The following POLD3 variants were observed in gnomAD, a reference collection of about 807,000 sequenced individuals.
POLD3 encodes DNA polymerase delta subunit 3.
Under a neutral mutation model 58.2 loss-of-function variants are expected in POLD3, and 19 were observed. The ratio of observed to expected loss-of-function variants is 0.33; its 90% confidence interval spans 0.23 to 0.48. The LOEUF is 0.48. POLD3 is among the 20% of genes least tolerant of loss of function. POLD3 has a pLI of 0.99. For synonymous variants in POLD3, 172 were observed against 193.5 expected (o/e 0.89, Z 0.92); for missense variants, 504 against 545.5 (o/e 0.92, Z 0.76).
chr11:74,624,916 G>T (rs1254084595), intron 7 of POLD3, among the ~76,000 whole-genome samples: 1 of 152,012 alleles, frequency 6.6e-6, no homozygotes, highest in Non-Finnish European at 1.5e-5. Context: ...AGTGAAGCGG[G>T]GTTTGAACCA....
At chr11:74,664,053 A>G (rs1331820009) in intron 4 of POLD3, among the ~76,000 whole-genome samples, 1 of 152,238 alleles carries the variant, frequency 6.6e-6, no homozygotes, top group Non-Finnish European at 1.5e-5. Context: ...TAATATTATT[A>G]TTCAGCAAAA....
intron 5 of POLD3, among the ~76,000 whole-genome samples, chr11:74,615,620 G>A (rs557967513): frequency 1.3e-5 from 2 of 152,254 alleles, no homozygotes; most frequent in East Asian, 3.9e-4. Context: ...GGATTGAGAC[G>A]GGAAGGATAT....
At chr11:74,638,807 T>C in intron 11 of POLD3, 1 of 408,578 alleles carries the variant, frequency 2.4e-6, no homozygotes. Context: ...GAACTGAGAG[T>C]GCATTCCTAA....
At chr11:74,649,242 T>C (rs1351175660) in intron 4 of POLD3, among the ~76,000 whole-genome samples, 1 of 152,344 alleles carries the variant, frequency 6.6e-6, no homozygotes, top group East Asian at 1.9e-4. Context: ...TAACACCTAT[T>C]CTATGCCAGA....
intron 4 of POLD3, among the ~76,000 whole-genome samples, chr11:74,657,620 T>C (rs2033152981): frequency 6.6e-6 from 1 of 152,174 alleles, no homozygotes; most frequent in Non-Finnish European, 1.5e-5. Context: ...TCTTGAAAAG[T>C]TGTTGTAGTT....
intron 10 of POLD3, 43 bp from the exon 11 acceptor site, chr11:74,636,154 A>G (rs2032743147): frequency 1.3e-6 from 2 of 1,569,936 alleles, no homozygotes; most frequent in Middle Eastern, 1.7e-4. Context: ...TTTCTGTATA[A>G]CATAATTGAT....
intron 6 of POLD3, 52 bp downstream of exon 6, chr11:74,618,856 G>A: frequency 6.8e-7 from 1 of 1,465,142 alleles, no homozygotes; most frequent in Non-Finnish European, 9.4e-7. Context: ...TGGGTAACTA[G>A]AAAAGCATTA....
rs2032926509 is a variant in POLD3 at position 74,642,009 on chromosome 11, T to C, written c.*1243T>C. ...GATTGCAGTGGTGTGCTGGTGATTT[T>C]GCACAGTGAGCTCTGCGGAAGGGGT... On this transcript the variant is annotated 3_prime_UTR_variant, in exon 12 of 12. Coordinates refer to ENST00000263681, the MANE Select transcript of POLD3 (RefSeq NM_006591.3). 1.0e-6 allele frequency: 1 copy of C among 985,406 alleles called. No individual in the cohort carries two copies. The highest frequency in any genetic ancestry group is 4.7e-5 in the South Asian group (1 of 21,292). The allele number at this position is 985,406 out of a possible 1,614,324, so 61.0% of individuals were successfully genotyped here.
chr11:74,623,243 C>CT (rs1468741271), intron 7 of POLD3, among the ~76,000 whole-genome samples: 1 of 152,064 alleles, frequency 6.6e-6, no homozygotes, highest in African/African-American at 2.4e-5. Flanking sequence ...ACCATCCTGG[C>CT]TAACACGGTG....
At chr11:74,599,158 G>C (rs1291208641) in intron 2 of POLD3, among the ~76,000 whole-genome samples, 2 of 152,110 alleles carry the variant, frequency 1.3e-5, no homozygotes, top group Non-Finnish European at 2.9e-5. Context: ...TCAGTCTCCT[G>C]AGAGTAGCTG....
chr11:74,600,638 A>G (rs974992429), intron 2 of POLD3, among the ~76,000 whole-genome samples: 1 of 152,124 alleles, frequency 6.6e-6, no homozygotes, highest in Admixed American at 6.6e-5. Context: ...TATCTCCAAA[A>G]AAACAGAAAA....
intron 4 of POLD3, among the ~76,000 whole-genome samples, chr11:74,662,321 C>G (rs1485394833): frequency 6.6e-6 from 1 of 152,072 alleles, no homozygotes; most frequent in Non-Finnish European, 1.5e-5. Context: ...GTCTCAGAGT[C>G]TCACCAAGGC....
At chr11:74,655,413 C>A (rs6592580) in intron 4 of POLD3, among the ~76,000 whole-genome samples, 124,614 of 152,256 alleles carry the variant, frequency 0.82, 51,173 homozygotes, top group Middle Eastern at 0.94. Flanking sequence ...AATTGCTAGA[C>A]TATATTATCT....
chr11:74,609,402 A>C, intron 3 of POLD3, among the ~76,000 whole-genome samples: 1 of 10,930 alleles, frequency 9.1e-5, no homozygotes, highest in Admixed American at 1.2e-3. Context: ...TTTTTTTGAG[A>C]TGGACTTTTG....
chr11:74,594,054 G>C lies in POLD3; in HGVS notation c.61-7G>C, dbSNP rs781076367. On this transcript the variant is annotated splice_region_variant and splice_polypyrimidine_tract_variant and intron_variant, in intron 1 of 11. Coordinates refer to ENST00000263681, the MANE Select transcript of POLD3 (RefSeq NM_006591.3). ...TAAAACATTTGAAAAATTTTTTCTTGTTACAGGTGACATACAAATGGCTGA... is the reference window on the plus strand; with the variant it reads ...TAAAACATTTGAAAAATTTTTTCTTCTTACAGGTGACATACAAATGGCTGA... 9 of 1,583,670 alleles carry C rather than the reference G, an allele frequency of 5.7e-6. No individual in the cohort carries two copies. Among genetic ancestry groups the C allele is most frequent in the Admixed American group, 1.7e-5 (1 of 59,704 alleles).
intron 4 of POLD3, among the ~76,000 whole-genome samples, chr11:74,611,987 G>A (rs1031135703): frequency 4.6e-5 from 7 of 152,142 alleles, no homozygotes; most frequent in African/African-American, 1.7e-4. Flanking sequence ...CAATTCAAAG[G>A]AATTTAATAA....
At chr11:74,663,432 TA>T (rs1262427039) in intron 4 of POLD3, among the ~76,000 whole-genome samples, 1 of 152,230 alleles carries the variant, frequency 6.6e-6, no homozygotes, top group Non-Finnish European at 1.5e-5. Flanking sequence ...AGTCTTGTAA[TA>T]AGACAGAGGT....
chr11:74,634,994 T>C (rs1336777938), intron 10 of POLD3, among the ~76,000 whole-genome samples: 1 of 152,050 alleles, frequency 6.6e-6, no homozygotes, highest in Non-Finnish European at 1.5e-5. Context: ...TAGAATGGTG[T>C]AAAAAGAGAT....
intron 3 of POLD3, among the ~76,000 whole-genome samples, chr11:74,610,762 A>T (rs976546153): frequency 1.3e-5 from 2 of 151,768 alleles, no homozygotes; most frequent in South Asian, 4.2e-4. Flanking sequence ...ACATGTTTTC[A>T]TGTGCATATA....
Sources: allele counts gnomAD v4.1 joint callset (sites outside exome capture counted in the v4.1 genomes callset), GRCh38; gene constraint gnomAD v4.1.1; transcripts MANE v1.5; gene names NCBI Gene and HGNC (gene_info 2026-07-23, HGNC 2026-07-21).